Variants in CNTN5 observed in about 807,000 individuals in gnomAD.
CNTN5 encodes contactin-5.
CNTN5 carries 77 observed loss-of-function variants against 129.1 expected under a neutral mutation model. The ratio of observed to expected loss-of-function variants is 0.60; its 90% confidence interval spans 0.50 to 0.72. The LOEUF (loss-of-function observed/expected upper bound fraction) is 0.72, where lower values mean the gene tolerates loss of function less well. CNTN5 is among the 30% of genes least tolerant of loss of function. The pLI is 0.00. For missense variants in CNTN5, 1,478 were observed against 1,328.8 expected, an observed-to-expected ratio of 1.11 and a Z score of -1.75; for synonymous variants, 509 against 465.6, an observed-to-expected ratio of 1.09 and a Z score of -1.20.
intron 13 of CNTN5, among the ~76,000 whole-genome samples, chr11:100,165,630 C>T (rs1947605385): frequency 6.6e-6 from 1 of 151,732 alleles, no homozygotes; most frequent in Non-Finnish European, 1.5e-5. Context: ...AAAGTTTAAA[C>T]ATAGAAGTTG....
At chr11:100,154,561 T>TGGTATTTCTGGTTCTCGA (rs1947172696) in intron 13 of CNTN5, among the ~76,000 whole-genome samples, 1 of 152,168 alleles carries the variant, frequency 6.6e-6, no homozygotes, top group Non-Finnish European at 1.5e-5. Flanking sequence ...CTGGGTCAAA[T>TGGTATTTCTGGTTCTCGA]GGTATTTCTG....
intron 3 of CNTN5, among the ~76,000 whole-genome samples, chr11:99,771,059 T>C (rs1248262026): frequency 2.0e-5 from 3 of 152,098 alleles, no homozygotes; most frequent in African/African-American, 4.8e-5. Flanking sequence ...ATAAACTCTT[T>C]AGTAAATGGT....
chr11:99,800,787 C>A (rs865982965), intron 3 of CNTN5, among the ~76,000 whole-genome samples: 1 of 151,952 alleles, frequency 6.6e-6, no homozygotes, highest in Non-Finnish European at 1.5e-5. Context: ...TTCCTTAAGT[C>A]TTTTACACTG....
chr11:99,450,052 T>A (rs1490683909), intron 2 of CNTN5, among the ~76,000 whole-genome samples: 2 of 152,044 alleles, frequency 1.3e-5, no homozygotes, highest in Non-Finnish European at 2.9e-5. Context: ...TAAAGTCAAA[T>A]TACCAGACAG....
At chr11:100,258,713 A>G (rs1950130721) in intron 17 of CNTN5, among the ~76,000 whole-genome samples, 1 of 152,250 alleles carries the variant, frequency 6.6e-6, no homozygotes, top group South Asian at 2.1e-4. Context: ...TAAGCAAAGG[A>G]GAAGTAAAAT....
At chr11:99,274,846 G>A (rs1359037827) in intron 1 of CNTN5, among the ~76,000 whole-genome samples, 1 of 151,402 alleles carries the variant, frequency 6.6e-6, no homozygotes, top group Non-Finnish European at 1.5e-5. Flanking sequence ...TTCAAAAACT[G>A]ATTACAATGC....
intron 2 of CNTN5, among the ~76,000 whole-genome samples, chr11:99,373,922 T>C (rs1221035071): frequency 6.6e-6 from 1 of 152,286 alleles, no homozygotes; most frequent in African/African-American, 2.4e-5. Flanking sequence ...AATTTAACCA[T>C]ATGCTTCCTC....
intron 17 of CNTN5, among the ~76,000 whole-genome samples, chr11:100,261,724 T>A (rs913527260): frequency 2.3e-4 from 35 of 152,112 alleles, no homozygotes; most frequent in African/African-American, 7.9e-4. Context: ...ATAAATGGTA[T>A]TGGGAAAACT....
intron 3 of CNTN5, among the ~76,000 whole-genome samples, chr11:99,615,811 G>C (rs2135744924): frequency 6.6e-6 from 1 of 151,656 alleles, no homozygotes. Context: ...GTCCAGGCTG[G>C]AGAGTAGTGG....
At chr11:100,198,254 ATTAC>A (rs1565335878) in intron 15 of CNTN5, among the ~76,000 whole-genome samples, 1 of 151,986 alleles carries the variant, frequency 6.6e-6, no homozygotes, top group Non-Finnish European at 1.5e-5. Context: ...CATAAAAACA[ATTAC>A]TAACTAACTT....
Position 99,411,489 on chromosome 11 carries a change from C to T in CNTN5, c.-71+86005C>T, listed in dbSNP as rs531956496. On this transcript the variant is annotated intron_variant, in intron 2 of 24. Transcript: ENST00000524871. ...AAGCCAAGATCATGCTATTGTATTC[C>T]AGCCTGGATGACAGAATGAGACCTT... Among the ~76,000 whole-genome samples, 4 of 152,176 alleles carry T rather than the reference C, an allele frequency of 2.6e-5. No individual in the cohort carries two copies. In the East Asian group the frequency reaches 7.8e-4, roughly 30 times the overall value.
At chr11:99,053,235 G>GT (rs1864495385) in intron 1 of CNTN5, among the ~76,000 whole-genome samples, 1 of 151,868 alleles carries the variant, frequency 6.6e-6, no homozygotes, top group Non-Finnish European at 1.5e-5. Context: ...TATGTCAAAA[G>GT]TTTTTGAAGA....
chr11:99,127,871 T>C (rs1457024027), intron 1 of CNTN5, among the ~76,000 whole-genome samples: 1 of 152,190 alleles, frequency 6.6e-6, no homozygotes, highest in Non-Finnish European at 1.5e-5. Flanking sequence ...GGAGTAAGAT[T>C]CAATAATTTC....
At chr11:99,669,426 C>A (rs1326015874) in intron 3 of CNTN5, among the ~76,000 whole-genome samples, 1 of 149,716 alleles carries the variant, frequency 6.7e-6, no homozygotes. Context: ...ACTACCTTTT[C>A]CAGCTATTAA....
chr11:99,957,107 A>G, intron 8 of CNTN5, 98 bp downstream of exon 8: 1 of 1,073,190 alleles, frequency 9.3e-7, no homozygotes, highest in East Asian at 2.6e-5. Context: ...GAACTTACAA[A>G]TAAAATAAAA....
intron 1 of CNTN5, among the ~76,000 whole-genome samples, chr11:99,263,791 ATT>A (rs72228089): frequency 6.8e-6 from 1 of 147,710 alleles, no homozygotes. Context: ...CCAGCTATTA[ATT>A]TTTTTTTTTG....
intron 17 of CNTN5, among the ~76,000 whole-genome samples, chr11:100,264,783 T>G (rs1036559432): frequency 2.0e-5 from 3 of 152,258 alleles, no homozygotes; most frequent in South Asian, 2.1e-4. Context: ...GTATTTCTGG[T>G]TCTAGATCCT....
chr11:99,830,433 A>G (rs1947102780), intron 4 of CNTN5, among the ~76,000 whole-genome samples: 1 of 152,090 alleles, frequency 6.6e-6, no homozygotes, highest in Admixed American at 6.6e-5. Flanking sequence ...TTATTAACAG[A>G]TTTGACTTGG....
chr11:99,856,585 C>A (rs1414312583), intron 6 of CNTN5, among the ~76,000 whole-genome samples: 1 of 150,548 alleles, frequency 6.6e-6, no homozygotes, highest in Admixed American at 6.7e-5. Flanking sequence ...TATGGAGTAG[C>A]ACTGTGCACT....
Sources: gnomAD v4.1 joint callset for allele counts (sites outside exome capture counted in the v4.1 genomes callset) on GRCh38, gnomAD v4.1.1 for gene constraint, MANE v1.5 for transcripts, NCBI Gene and HGNC (gene_info 2026-07-23, HGNC 2026-07-21) for gene names.